Variants in PRMT3 observed in about 807,000 individuals in gnomAD.
The protein encoded by PRMT3 is protein arginine methyltransferase 3, also known as protein arginine N-methyltransferase 3.
In PRMT3, 62 loss-of-function variants were observed where a neutral mutation model predicts 71.9. The observed-to-expected ratio is 0.86, with a 90% CI of 0.70 to 1.07. PRMT3 has a LOEUF of 1.07. Among genes scored for constraint, PRMT3 ranks in the 50% least tolerant of loss-of-function variants. PRMT3 has a pLI of 0.00. For missense variants in PRMT3, 663 were observed against 643.0 expected (o/e 1.03, Z -0.34); for synonymous variants, 213 against 220.4 (o/e 0.97, Z 0.30).
chr11:20,439,380 C>A (rs1030242989), intron 10 of PRMT3, among the ~76,000 whole-genome samples: 2 of 152,314 alleles, frequency 1.3e-5, no homozygotes, highest in Admixed American at 6.5e-5. Context: ...TGTTCCCTTT[C>A]ATTCTCAATG....
intron 10 of PRMT3, among the ~76,000 whole-genome samples, chr11:20,430,185 A>G (rs185417503): frequency 6.6e-6 from 1 of 152,346 alleles, no homozygotes; most frequent in Non-Finnish European, 1.5e-5. Flanking sequence ...TAAAGATGCA[A>G]AAATCTAGAA....
chr11:20,461,978 A>G lies in PRMT3; in HGVS notation c.1073-2A>G, dbSNP rs774429497. On this transcript the variant is annotated splice_acceptor_variant, in intron 11 of 15. Coordinates refer to ENST00000331079, the MANE Select transcript of PRMT3 (RefSeq NM_005788.4). LOFTEE classifies it high-confidence loss of function. ...AATTGTTGGGCATTTTGTTTGTTAC[A>G]GTCTACCCTGACATTTGCACTATCA... is the stretch of plus-strand genomic sequence containing the variant. 1.3e-6 allele frequency: 2 copies of G among 1,539,268 alleles called. No individual in the cohort carries two copies. The highest frequency in any genetic ancestry group is 2.3e-5 in the East Asian group (1 of 43,636).
At position 20,388,121 on chromosome 11, in the gene PRMT3, G is replaced by A. The variant is rs777403724; in HGVS notation, c.131G>A (p.Gly44Asp). ...EDEDDADLPH[G>D]KQQTPCLFCN... is the part of the protein sequence containing the mutation. ...GAGGACGATGCAGATCTCCCCCACG[G>A]CAAGCAGCAGACCCCCTGCCTGTTC... The change falls in exon 2 of 16, where the codon GGC becomes GAC. Residue 44 changes from glycine (G) to aspartate (D), a missense_variant. Transcript: ENST00000331079. The A allele has an allele frequency of 6.2e-7, 1 of 1,614,002 alleles. No homozygotes were observed. Among genetic ancestry groups the A allele is most frequent in the South Asian group, 1.1e-5 (1 of 91,084 alleles).
At chr11:20,421,140 G>A (rs1341640030) in intron 9 of PRMT3, among the ~76,000 whole-genome samples, 1 of 152,170 alleles carries the variant, frequency 6.6e-6, no homozygotes, top group Non-Finnish European at 1.5e-5. Context: ...CCAGGCCCAA[G>A]TGATCCTCCT....
At chr11:20,500,381 G>T (rs867808435) in intron 15 of PRMT3, among the ~76,000 whole-genome samples, 1 of 152,092 alleles carries the variant, frequency 6.6e-6, no homozygotes, top group African/African-American at 2.4e-5. Context: ...TCTCAGTTTT[G>T]TAGAAATTAA....
At chr11:20,389,630 G>A in intron 2 of PRMT3, 114 bp from the exon 3 acceptor site, 1 of 620,338 alleles carries the variant, frequency 1.6e-6, no homozygotes, top group Non-Finnish European at 2.6e-6. Context: ...TTAATTGGAA[G>A]TAAAACTAGA....
intron 9 of PRMT3, among the ~76,000 whole-genome samples, chr11:20,412,083 C>T (rs932056179): frequency 2.0e-4 from 31 of 152,066 alleles, no homozygotes; most frequent in African/African-American, 7.0e-4. Context: ...GTTTTTAGTA[C>T]TAATGACCAA....
At chr11:20,464,360 A>C in intron 12 of PRMT3, 100 bp from the exon 13 acceptor site, 1 of 1,423,780 alleles carries the variant, frequency 7.0e-7, no homozygotes, top group East Asian at 2.5e-5. Context: ...TTGTGCATAA[A>C]AGAAGTAATG....
At chr11:20,438,495 G>A (rs568775637) in intron 10 of PRMT3, among the ~76,000 whole-genome samples, 77 of 152,208 alleles carry the variant, frequency 5.1e-4, no homozygotes, top group African/African-American at 1.7e-3. Flanking sequence ...GGACTCGTGG[G>A]GGTTAGTCTA....
chr11:20,438,345 ACT>A (rs35346028), intron 10 of PRMT3, among the ~76,000 whole-genome samples: 122,689 of 151,656 alleles, frequency 0.81, 51,876 homozygotes, highest in Non-Finnish European at 0.95. Context: ...TGTATCCCAG[ACT>A]CTGTGAGGCT....
Position 20,494,203 on chromosome 11 carries a change from CACTGGA to C in PRMT3, c.1437_1442del (p.His479_Lys481delinsGln). 6.2e-7 allele frequency: 1 copy of C among 1,611,644 alleles called. No individual in the cohort carries two copies. Among genetic ancestry groups the C allele is most frequent in the Non-Finnish European group, 8.5e-7 (1 of 1,177,808 alleles). ...TACGGGCCCTCAGAGCACCAAAACA[CACTGGA>C]AACAAACAGTATTTCTACTGGAAAA... is the stretch of plus-strand genomic sequence containing the variant. On this transcript the variant is annotated inframe_deletion, in exon 15 of 16. Coordinates refer to ENST00000331079, the MANE Select transcript of PRMT3 (RefSeq NM_005788.4).
At chr11:20,504,717 A>T (rs928282956) in intron 15 of PRMT3, among the ~76,000 whole-genome samples, 3,048 of 145,796 alleles carry the variant, frequency 0.021, 119 homozygotes, top group African/African-American at 0.072. Flanking sequence ...TGAGAGAGAG[A>T]GAGAGAGAGA....
At position 20,479,975 on chromosome 11, in the gene PRMT3, G is replaced by T. The variant is rs183146537; in HGVS notation, c.1348-13944G>T. Among the ~76,000 whole-genome samples the T allele has an allele frequency of 6.6e-4, 101 of 152,290 alleles. No homozygotes were observed. The Middle Eastern group carries it at 0.017, about 26-fold the overall frequency. ...TGGAATAAAATAAAGCATTGAAAAA[G>T]AGATGAGCTTGGCAATATAGCACAA... On this transcript the variant is annotated intron_variant, in intron 13 of 15. Transcript: ENST00000331079.
chr11:20,482,693 A>G (rs1025348030), intron 13 of PRMT3, among the ~76,000 whole-genome samples: 27 of 152,108 alleles, frequency 1.8e-4, no homozygotes, highest in African/African-American at 6.5e-4. Flanking sequence ...ATTTTAACTT[A>G]GGCACTGACA....
At chr11:20,432,486 A>G (rs1849674769) in intron 10 of PRMT3, among the ~76,000 whole-genome samples, 1 of 152,080 alleles carries the variant, frequency 6.6e-6, no homozygotes, top group Admixed American at 6.6e-5. Flanking sequence ...TTGATTCTGT[A>G]TCTTGGCTAT....
chr11:20,402,713 T>G (rs1364845870), intron 7 of PRMT3, among the ~76,000 whole-genome samples: 1 of 152,224 alleles, frequency 6.6e-6, no homozygotes, highest in African/African-American at 2.4e-5. Flanking sequence ...TTATTTGAGT[T>G]TCAGTCTTCA....
chr11:20,502,526 T>G (rs1851481972), intron 15 of PRMT3, among the ~76,000 whole-genome samples: 2 of 152,228 alleles, frequency 1.3e-5, no homozygotes, highest in South Asian at 4.1e-4. Context: ...ATGCTTAGCA[T>G]TTTTTCTTTT....
rs74654918 is a variant in PRMT3 at position 20,491,477 on chromosome 11, A to C, written c.1348-2442A>C. Among the ~76,000 whole-genome samples the C allele has an allele frequency of 3.6e-3, 556 of 152,350 alleles. 5 individuals are homozygous for C. The highest frequency in any genetic ancestry group is 0.013 in the African/African-American group (531 of 41,586). The stretch of plus-strand genomic sequence containing the variant: ...AAGGATGTTGATGTTTGTTGTTAGC[A>C]GTCAAGCCCAGTTAAAATCAGACCA... On this transcript the variant is annotated intron_variant, in intron 13 of 15. Transcript: ENST00000331079.
At chr11:20,507,439 T>G (rs1270157091) in intron 15 of PRMT3, among the ~76,000 whole-genome samples, 2 of 133,416 alleles carry the variant, frequency 1.5e-5, no homozygotes, top group African/African-American at 5.4e-5. Context: ...TTCACAAGGA[T>G]TTGACACTGT....
Sources: gnomAD v4.1 joint callset for allele counts (sites outside exome capture counted in the v4.1 genomes callset) on GRCh38, gnomAD v4.1.1 for gene constraint, MANE v1.5 for transcripts, NCBI Gene and HGNC (gene_info 2026-07-23, HGNC 2026-07-21) for gene names.